The following GZMM variants were observed in gnomAD, a reference collection of about 807,000 sequenced individuals.
GZMM encodes the protein HU-Met-1.
GZMM carries 23 observed loss-of-function variants against 19.2 expected under a neutral mutation model. The observed-to-expected ratio is 1.20, with a 90% CI of 0.86 to 1.69. The LOEUF (loss-of-function observed/expected upper bound fraction) is 1.69, where lower values mean the gene tolerates loss of function less well. GZMM is among the 40% of genes most tolerant of loss of function. The pLI, the probability that GZMM is intolerant of heterozygous loss-of-function variation, is 0.00. For missense variants in GZMM, 373 were observed against 352.2 expected (o/e 1.06, Z -0.47); for synonymous variants, 178 against 160.2 (o/e 1.11, Z -0.84).
intron 2 of GZMM, 151 bp from the exon 3 acceptor site, chr19:548,391 C>A: frequency 1.4e-6 from 1 of 703,016 alleles, no homozygotes; most frequent in Non-Finnish European, 2.4e-6. Context: ...GTTGCAAAGA[C>A]ACAGGGAAGG....
chr19:549,756 T>A lies in GZMM; in HGVS notation c.739T>A (p.Ser247Thr). 6.2e-7 allele frequency: 1 copy of A among 1,613,476 alleles called. No individual in the cohort carries two copies. The highest frequency in any genetic ancestry group is 1.7e-4 in the Middle Eastern group (1 of 6,054). The part of the protein sequence containing the change: ...PVATAVAPYV[S>T]WIRKVTGRSA The stretch of plus-strand genomic sequence containing the variant: ...GGCCACCGCTGTGGCGCCTTACGTG[T>A]CCTGGATCAGGAAGGTCACCGGCCG... Residue 247 changes from serine to threonine, a missense_variant, in exon 5 of 5, where the codon TCC (serine) becomes ACC (threonine). By Grantham distance (58) the Ser-to-Thr change is moderately conservative. Coordinates refer to ENST00000264553, the MANE Select transcript of GZMM (RefSeq NM_005317.4).
chr19:547,146 C>T (rs867637359), intron 1 of GZMM, 134 bp from the exon 2 acceptor site: 43 of 745,972 alleles, frequency 5.8e-5, no homozygotes, highest in Non-Finnish European at 8.0e-5. Context: ...CTAAAAGTTT[C>T]GGGGAACACT....
chr19:548,876 T>G, intron 3 of GZMM, 46 bp from the exon 4 acceptor site: 1 of 748,786 alleles, frequency 1.3e-6, no homozygotes, highest in Non-Finnish European at 1.9e-6. Flanking sequence ...GCCCCCGCAC[T>G]CTCACCCCCT....
chr19:544,308 T>TC (rs941167594), intron 1 of GZMM, among the ~76,000 whole-genome samples, 182 bp downstream of exon 1: 1 of 152,016 alleles, frequency 6.6e-6, no homozygotes, highest in African/African-American at 2.4e-5. Flanking sequence ...CGAGTGGACA[T>TC]CCCGGGACCG....
At position 548,445 on chromosome 19, in the gene GZMM, T is replaced by A. The variant is rs531962274; in HGVS notation, c.213-97T>A. On this transcript the variant is annotated intron_variant, in intron 2 of 4. Transcript: ENST00000264553. ...TGTGAGGGGCAGCGGCTGTGAGTGA[T>A]GGCCATGGACAACGGGCACAGTGGG... is the stretch of plus-strand genomic sequence containing the variant. The A allele has an allele frequency of 3.9e-5, 48 of 1,244,290 alleles. No homozygotes were observed. In the East Asian group the frequency reaches 1.1e-3, roughly 30 times the overall value. 77.1% of individuals were successfully genotyped at this position (1,244,290 alleles called of 1,614,324 possible). A position where few individuals can be genotyped will look rare whatever the true frequency, so the allele number is the denominator to read the frequency against.
At chr19:547,500 G>A in intron 2 of GZMM, 64 bp downstream of exon 2, 1 of 1,218,732 alleles carries the variant, frequency 8.2e-7, no homozygotes, top group East Asian at 2.9e-5. Context: ...CCCATTCTCT[G>A]CAGGGGGTGG....
chr19:545,643 G>A (rs1333167467), intron 1 of GZMM, among the ~76,000 whole-genome samples: 7 of 150,604 alleles, frequency 4.6e-5, no homozygotes, highest in Non-Finnish European at 7.4e-5. Flanking sequence ...CACCGCGCCC[G>A]GCCTATTTTT....
chr19:544,224 G>T (rs1481799861), intron 1 of GZMM, 98 bp downstream of exon 1: 6 of 979,634 alleles, frequency 6.1e-6, no homozygotes, highest in Middle Eastern at 2.1e-4. Flanking sequence ...CATCCTGGGT[G>T]TAAGAGCGGA....
intron 2 of GZMM, among the ~76,000 whole-genome samples, chr19:548,081 G>A (rs1980356217): frequency 6.6e-6 from 1 of 152,186 alleles, no homozygotes; most frequent in Non-Finnish European, 1.5e-5. Flanking sequence ...TCCCAGCTCT[G>A]CTGCACTACC....
chr19:549,706 G>T lies in GZMM; in HGVS notation c.689G>T (p.Cys230Phe). 1.9e-6 allele frequency: 3 copies of T among 1,613,786 alleles called. No individual in the cohort carries two copies. The South Asian group carries it at 3.3e-5, about 18-fold the overall frequency. The change falls in exon 5 of 5, where the codon TGC becomes TTC. Residue 230 changes from cysteine (C) to phenylalanine (F), a missense_variant. Transcript: ENST00000264553. ...GTCCTGTCCTTCAGCTCCAGGGTCT[G>T]CACTGACATCTTCAAGCCTCCCGTG... ...ARVLSFSSRV[C>F]TDIFKPPVAT...
In GZMM at chr19:548,973, A is replaced by G. The variant is rs1337552512; in HGVS notation, c.400A>G (p.Ser134Gly). The change falls in exon 4 of 5, where the codon AGT (serine) becomes GGT (glycine). Residue 134 changes from serine to glycine, a missense_variant. Transcript: ENST00000264553. Reference sequence around the variant, plus strand: ...GACCATCCGGCCGTTGGCCCTGCCCAGTAAGCGCCAGGTGGTGGCAGCAGG... The same window carrying G: ...GACCATCCGGCCGTTGGCCCTGCCCGGTAAGCGCCAGGTGGTGGCAGCAGG... ...SRTIRPLALP[S>G]KRQVVAAGTR... 1.3e-6 allele frequency: 2 copies of G among 1,594,700 alleles called. No individual in the cohort carries two copies. The highest frequency in any genetic ancestry group is 1.1e-5 in the South Asian group (1 of 89,614).
At chr19:547,539 A>AC in intron 2 of GZMM, 103 bp downstream of exon 2, 1 of 931,124 alleles carries the variant, frequency 1.1e-6, no homozygotes, top group Non-Finnish European at 1.4e-6. Context: ...CCATTGTGGG[A>AC]CCCCCGTCCC....
At chr19:546,829 C>G (rs2145859213) in intron 1 of GZMM, among the ~76,000 whole-genome samples, 1 of 146,172 alleles carries the variant, frequency 6.8e-6, no homozygotes, top group East Asian at 2.1e-4. Context: ...CAGAGCGAGA[C>G]TCTGTCTCAA....
At chr19:547,205 G>A in intron 1 of GZMM, 75 bp from the exon 2 acceptor site, 1 of 1,350,740 alleles carries the variant, frequency 7.4e-7, no homozygotes, top group African/African-American at 1.5e-5. Flanking sequence ...GGGCCTCTGA[G>A]CTGGGCAAGG....
intron 3 of GZMM, 70 bp downstream of exon 3, chr19:548,747 C>A: frequency 7.4e-7 from 1 of 1,353,278 alleles, no homozygotes; most frequent in Non-Finnish European, 1.0e-6. Context: ...ACCCCCACTG[C>A]GCCCTCCCCC....
chr19:546,542 A>G (rs1226148445), intron 1 of GZMM, among the ~76,000 whole-genome samples: 6 of 147,212 alleles, frequency 4.1e-5, no homozygotes, highest in Admixed American at 4.1e-4. Flanking sequence ...CTCCATCTCA[A>G]AAAAAAAAAA....
At chr19:544,269 G>A (rs1484557147) in intron 1 of GZMM, 143 bp downstream of exon 1, 4 of 708,718 alleles carry the variant, frequency 5.6e-6, no homozygotes, top group Non-Finnish European at 9.6e-6. Context: ...CTGAGGCCTG[G>A]GGCATCCCGA....
chr19:549,267 CTCTCCCGTTCTCTG>C, intron 4 of GZMM, 82 bp downstream of exon 4: 1 of 1,350,292 alleles, frequency 7.4e-7, no homozygotes, highest in Non-Finnish European at 1.0e-6. Context: ...AGGTTCCTGG[CTCTCCCGTTCTCTG>C]GGGAGTCCTG....
intron 4 of GZMM, 86 bp from the exon 5 acceptor site, chr19:549,544 C>T (rs1300546979): frequency 2.2e-6 from 3 of 1,381,804 alleles, no homozygotes; most frequent in African/African-American, 1.4e-5. Flanking sequence ...GGATAACAGG[C>T]CTGGCCCTGC....
Sources: allele counts gnomAD v4.1 joint callset (sites outside exome capture counted in the v4.1 genomes callset), GRCh38; gene constraint gnomAD v4.1.1; transcripts MANE v1.5; gene names NCBI Gene and HGNC (gene_info 2026-07-23, HGNC 2026-07-21).